CYP20A1: variants seen among roughly 807,000 people sequenced by gnomAD.
CYP20A1 encodes the protein cytochrome P450 family 20 subfamily A member 1.
Under a neutral mutation model 61.4 loss-of-function variants are expected in CYP20A1, and 61 were observed. The ratio of observed to expected loss-of-function variants is 0.99; its 90% confidence interval spans 0.81 to 1.23. The LOEUF (loss-of-function observed/expected upper bound fraction) is 1.23. Ranked by LOEUF, CYP20A1 falls within the 50% of genes most tolerant of loss-of-function variation. The probability of loss-of-function intolerance (pLI) is 0.00; values close to 1 mark genes in which losing one functional copy is unlikely to be tolerated. For synonymous variants in CYP20A1, 193 were observed against 188.2 expected (o/e 1.03, Z -0.21); for missense variants, 530 against 542.4 (o/e 0.98, Z 0.23).
At position 203,239,055 on chromosome 2, in the gene CYP20A1, G is replaced by A. The variant is rs746569153; in HGVS notation, c.-8G>A. 3 of 1,613,284 alleles carry A rather than the reference G, an allele frequency of 1.9e-6. No homozygotes were observed. Among genetic ancestry groups the A allele is most frequent in the Non-Finnish European group, 2.5e-6 (3 of 1,179,566 alleles). Reference sequence around the variant, plus strand: ...GATCCGAGACGTGGCTCCCTGGGCGGCAGAACCATGTTGGACTTCGCGATC... The same window carrying A: ...GATCCGAGACGTGGCTCCCTGGGCGACAGAACCATGTTGGACTTCGCGATC... On this transcript the variant is annotated 5_prime_UTR_variant, in exon 1 of 13. Transcript: ENST00000356079.
intron 6 of CYP20A1, among the ~76,000 whole-genome samples, chr2:203,275,176 T>C (rs2067763859): frequency 6.6e-6 from 1 of 152,196 alleles, no homozygotes; most frequent in Non-Finnish European, 1.5e-5. Context: ...TCAGGTATTT[T>C]TGTAAAGGCT....
intron 5 of CYP20A1, among the ~76,000 whole-genome samples, chr2:203,268,587 ATTAT>A (rs1341393947): frequency 6.7e-6 from 1 of 150,296 alleles, no homozygotes; most frequent in Non-Finnish European, 1.5e-5. Context: ...TCTTCCTCAA[ATTAT>A]TTGTTTTTTT....
chr2:203,258,309 C>G (rs961423826), intron 4 of CYP20A1, among the ~76,000 whole-genome samples: 1 of 149,198 alleles, frequency 6.7e-6, no homozygotes, highest in Non-Finnish European at 1.5e-5. Flanking sequence ...CCCAGGAGTT[C>G]AAGGGTATTG....
chr2:203,276,433 A>G (rs187069063), intron 6 of CYP20A1, among the ~76,000 whole-genome samples: 20 of 152,270 alleles, frequency 1.3e-4, no homozygotes, highest in African/African-American at 4.1e-4. Flanking sequence ...CAGGGAAACT[A>G]GTTAGAAGGC....
intron 8 of CYP20A1, 149 bp downstream of exon 8, chr2:203,280,262 C>A (rs2067988141): frequency 1.9e-6 from 1 of 537,566 alleles, no homozygotes; most frequent in South Asian, 3.3e-5. Context: ...AAAACAGAGA[C>A]CCTCTCTACA....
chr2:203,280,392 A>G (rs1030418096), intron 8 of CYP20A1, among the ~76,000 whole-genome samples: 7 of 152,152 alleles, frequency 4.6e-5, no homozygotes, highest in Non-Finnish European at 8.8e-5. Flanking sequence ...CTGAAAACAG[A>G]GTGAGACCCT....
At chr2:203,288,286 G>T (rs148163746) in intron 9 of CYP20A1, among the ~76,000 whole-genome samples, 1,819 of 151,428 alleles carry the variant, frequency 0.012, 34 homozygotes, top group Admixed American at 0.042. Flanking sequence ...GGCTGGTCTC[G>T]AACTCCTGGC....
At position 203,301,938 on chromosome 2, in the gene CYP20A1, T is replaced by C. The variant is rs2069042171; in HGVS notation, c.*5030T>C. 7.2e-6 allele frequency among the ~76,000 whole-genome samples: 1 copy of C among 139,506 alleles called. No individual in the cohort carries two copies. The highest frequency in any genetic ancestry group is 7.3e-5 in the Admixed American group (1 of 13,732). The allele number at this position is 139,506 out of a possible 152,430, so 91.5% of individuals were successfully genotyped here. A position where few individuals can be genotyped will look rare whatever the true frequency, so the allele number is the denominator to read the frequency against. On this transcript the variant is annotated 3_prime_UTR_variant, in exon 13 of 13. Transcript: ENST00000356079. ...TCTTTTTTTTTTTTTTTTTTTTTTG[T>C]TTTGAGACTGAGTCCCGCTGTCTAT...
chr2:203,279,421 G>C (rs2067956353), intron 7 of CYP20A1, among the ~76,000 whole-genome samples: 2 of 152,162 alleles, frequency 1.3e-5, no homozygotes, highest in Non-Finnish European at 1.5e-5. Flanking sequence ...AGGTGTATTA[G>C]ACTAAATCAC....
intron 4 of CYP20A1, among the ~76,000 whole-genome samples, chr2:203,263,115 A>C (rs1037693886): frequency 4.0e-5 from 6 of 150,970 alleles, no homozygotes; most frequent in African/African-American, 1.5e-4. Context: ...CAGCCGCCCT[A>C]GTAGCTGGGA....
rs1439495722 is a variant in CYP20A1, at chr2:203,299,305, GA to G, written c.*2399del. ...ATTTCATTTGTAATTTTACTTTCAAGAATATACTCTGGTAGACTGAGGCGGG... is the reference window on the plus strand; with the variant it reads ...ATTTCATTTGTAATTTTACTTTCAAGATATACTCTGGTAGACTGAGGCGGG... On this transcript the variant is annotated 3_prime_UTR_variant, in exon 13 of 13. Transcript: ENST00000356079. 6.6e-6 allele frequency among the ~76,000 whole-genome samples: 1 copy of G among 151,936 alleles called. No homozygotes were observed. The highest frequency in any genetic ancestry group is 1.5e-5 in the Non-Finnish European group (1 of 67,996).
chr2:203,256,602 G>C (rs966393441), intron 4 of CYP20A1, among the ~76,000 whole-genome samples: 1 of 151,676 alleles, frequency 6.6e-6, no homozygotes, highest in African/African-American at 2.4e-5. Flanking sequence ...CAGGTGATCC[G>C]CCTGCCTCAG....
chr2:203,244,284 C>T (rs2066370530), intron 1 of CYP20A1, among the ~76,000 whole-genome samples: 1 of 152,084 alleles, frequency 6.6e-6, no homozygotes, highest in African/African-American at 2.4e-5. Context: ...TCACTGCAAC[C>T]TCCGCCTCCC....
At chr2:203,256,718 G>A (rs184184553) in intron 4 of CYP20A1, among the ~76,000 whole-genome samples, 180 of 152,272 alleles carry the variant, frequency 1.2e-3, no homozygotes, top group Non-Finnish European at 1.6e-4. Context: ...TGTGTGCTCC[G>A]TGAAGGTAGG....
At chr2:203,257,963 A>C (rs2066967840) in intron 4 of CYP20A1, among the ~76,000 whole-genome samples, 5 of 152,178 alleles carry the variant, frequency 3.3e-5, no homozygotes, top group Admixed American at 1.3e-4. Flanking sequence ...GTGCAGTGGC[A>C]CAATTATAGC....
chr2:203,261,690 C>T (rs530285455), intron 4 of CYP20A1, among the ~76,000 whole-genome samples: 109 of 150,740 alleles, frequency 7.2e-4, no homozygotes, highest in Middle Eastern at 3.5e-3. Context: ...TAAAAAGACT[C>T]CTCTTCCTCA....
At chr2:203,251,677 G>C (rs1171615900) in intron 3 of CYP20A1, among the ~76,000 whole-genome samples, 8 of 149,030 alleles carry the variant, frequency 5.4e-5, no homozygotes, top group African/African-American at 1.7e-4. Flanking sequence ...GCTGAGGCAG[G>C]AGAATTGCTT....
intron 8 of CYP20A1, among the ~76,000 whole-genome samples, chr2:203,282,480 A>G (rs2068084986): frequency 6.6e-6 from 1 of 152,162 alleles, no homozygotes; most frequent in Admixed American, 6.6e-5. Flanking sequence ...AAAAATTAGT[A>G]TAAAAATAGA....
Position 203,298,762 on chromosome 2 carries a change from C to T in CYP20A1, c.*1854C>T, listed in dbSNP as rs1273070575. On this transcript the variant is annotated 3_prime_UTR_variant, in exon 13 of 13. Transcript: ENST00000356079. ...AAGAATATTTTAAGTAGGCTGGGCA[C>T]GGTAGCTCATGCCTGTTATCCTAAC... is the stretch of plus-strand genomic sequence containing the variant. Among the ~76,000 whole-genome samples the T allele has an allele frequency of 2.0e-5, 3 of 150,982 alleles. No homozygotes were observed. Among genetic ancestry groups the T allele is most frequent in the Admixed American group, 6.6e-5 (1 of 15,100 alleles).
Sources: gnomAD v4.1 joint callset for allele counts (sites outside exome capture counted in the v4.1 genomes callset) on GRCh38, gnomAD v4.1.1 for gene constraint, MANE v1.5 for transcripts, NCBI Gene and HGNC (gene_info 2026-07-23, HGNC 2026-07-21) for gene names.